Variants in PSENEN observed in about 807,000 individuals in gnomAD.
PSENEN encodes presenilin enhancer, gamma-secretase subunit.
PSENEN carries 4 observed loss-of-function variants against 15.4 expected under a neutral mutation model. That is an observed-to-expected ratio of 0.26 (90% CI 0.13 to 0.59). The LOEUF is 0.59. PSENEN is among the 20% of genes least tolerant of loss of function. The pLI, the probability that PSENEN is intolerant of heterozygous loss-of-function variation, is 0.89. For synonymous variants in PSENEN, 42 were observed against 46.5 expected, an observed-to-expected ratio of 0.90 and a Z score of 0.39; for missense variants, 112 against 120.3, an observed-to-expected ratio of 0.93 and a Z score of 0.32.
intron 1 of PSENEN, 59 bp downstream of exon 1, chr19:35,745,759 A>G (rs1970548445): frequency 1.4e-6 from 1 of 738,438 alleles, no homozygotes; most frequent in African/African-American, 1.7e-5. Context: ...TAATCCAGCC[A>G]GCTTACTAGT....
At position 35,747,084 on chromosome 19, in the gene PSENEN, C is replaced by A; in HGVS notation, c.*237C>A. ...AAAAACATCTGTTGAGAGCTTTGTA[C>A]GAGGCTTAGTATTTAGACATGATGT... On this transcript the variant is annotated 3_prime_UTR_variant, in exon 4 of 4. Transcript: ENST00000587708. 1 of 476,004 alleles carries A rather than the reference C, an allele frequency of 2.1e-6. No individual in the cohort carries two copies. The highest frequency in any genetic ancestry group is 3.2e-5 in the South Asian group (1 of 31,408). The allele number at this position is 476,004 out of a possible 1,614,324, so 29.5% of individuals were successfully genotyped here.
Position 35,746,098 on chromosome 19 carries a change from C to G in PSENEN, c.61+107C>G. On this transcript the variant is annotated intron_variant, in intron 2 of 3. Coordinates refer to ENST00000587708, the MANE Select transcript of PSENEN (RefSeq NM_172341.4). ...TTCTTAAGTCTAAGAGATGAAGGAC[C>G]TGCGAACGCCGACTCCTGGATTTGA... 3 of 1,150,562 alleles carry G rather than the reference C, an allele frequency of 2.6e-6. No individual in the cohort carries two copies. The South Asian group carries it at 3.8e-5, about 15-fold the overall frequency. The allele number at this position is 1,150,562 out of a possible 1,614,324, so 71.3% of individuals were successfully genotyped here. A position where few individuals can be genotyped will look rare whatever the true frequency, so the allele number is the denominator to read the frequency against.
chr19:35,746,862 A>T lies in PSENEN; in HGVS notation c.*15A>T. On this transcript the variant is annotated 3_prime_UTR_variant, in exon 4 of 4. Transcript: ENST00000587708. ...GCACCCCCTGACAACTTCTGCACAT[A>T]CTGGGGCCCTGCTTATTCTCCCAGG... 2 of 1,613,156 alleles carry T rather than the reference A, an allele frequency of 1.2e-6. No homozygotes were observed. The highest frequency in any genetic ancestry group is 1.7e-6 in the Non-Finnish European group (2 of 1,179,672).
chr19:35,746,910 G>A lies in PSENEN; in HGVS notation c.*63G>A, dbSNP rs1970594984. The A allele has an allele frequency of 1.3e-6, 2 of 1,528,132 alleles. No homozygotes were observed. The highest frequency in any genetic ancestry group is 2.3e-5 in the Admixed American group (1 of 43,320). The allele number at this position is 1,528,132 out of a possible 1,614,324, so 94.7% of individuals were successfully genotyped here. ...AGGACAGGCTCCTTAAAGCAGAGGA[G>A]CCTGTCCTGGGAGCCCCTTCTCAAA... On this transcript the variant is annotated 3_prime_UTR_variant, in exon 4 of 4. Transcript: ENST00000587708.
In PSENEN at chr19:35,746,829, AC is replaced by A; in HGVS notation, c.292del (p.Leu98TrpfsTer47). On this transcript the variant is annotated frameshift_variant, in exon 4 of 4. Coordinates refer to ENST00000587708, the MANE Select transcript of PSENEN (RefSeq NM_172341.4). LOFTEE classifies it high-confidence loss of function. ...ALGDYLSFTI[P>X]LGTP The stretch of plus-strand genomic sequence containing the variant: ...TTGGGGACTACCTCTCCTTCACCAT[AC>A]CCCTGGGCACCCCCTGACAACTTCT... The A allele has an allele frequency of 6.2e-7, 1 of 1,613,034 alleles. No individual in the cohort carries two copies. The highest frequency in any genetic ancestry group is 8.5e-7 in the Non-Finnish European group (1 of 1,179,690).
At chr19:35,746,675 G>T in intron 3 of PSENEN, 33 bp from the exon 4 acceptor site, 6 of 1,614,130 alleles carry the variant, frequency 3.7e-6, no homozygotes, top group Non-Finnish European at 5.1e-6. Flanking sequence ...GCAGCCGGAG[G>T]CCAACCCTTC....
At position 35,746,678 on chromosome 19, in the gene PSENEN, A is replaced by G. The variant is rs1599733374; in HGVS notation, c.167-30A>G. 3 of 1,614,110 alleles carry G rather than the reference A, an allele frequency of 1.9e-6. No homozygotes were observed. The East Asian group carries it at 6.7e-5, about 36-fold the overall frequency. ...GAAGTCTGGAGAGCAGCCGGAGGCC[A>G]ACCCTTCCAGCTTCTGTTTCCCATG... On this transcript the variant is annotated intron_variant, in intron 3 of 3. Coordinates refer to ENST00000587708, the MANE Select transcript of PSENEN (RefSeq NM_172341.4).
rs199827075 is a variant in PSENEN at position 35,746,385 on chromosome 19, T to A, written c.62-34T>A. 3.9e-6 allele frequency: 6 copies of A among 1,527,594 alleles called. No homozygotes were observed. The Middle Eastern group carries it at 6.8e-4, about 173-fold the overall frequency. The allele number at this position is 1,527,594 out of a possible 1,614,324, so 94.6% of individuals were successfully genotyped here. On this transcript the variant is annotated intron_variant, in intron 2 of 3. Transcript: ENST00000587708. The stretch of plus-strand genomic sequence containing the variant: ...AGATCTTCATTGCCTTATGAGGTTT[T>A]GGGGTTTGTTTGTTTGTTTTTCTTT...
intron 2 of PSENEN, 50 bp downstream of exon 2, chr19:35,746,041 G>A (rs1279051698): frequency 4.4e-6 from 7 of 1,586,524 alleles, no homozygotes; most frequent in Non-Finnish European, 6.1e-6. Flanking sequence ...CTGGACTAGA[G>A]CACCCGAGGG....
At position 35,745,841 on chromosome 19, in the gene PSENEN, G is replaced by T; in HGVS notation, c.-90G>T. The T allele has an allele frequency of 1.6e-6, 2 of 1,279,678 alleles. No homozygotes were observed. Among genetic ancestry groups the T allele is most frequent in the Non-Finnish European group, 2.3e-6 (2 of 876,378 alleles). 79.3% of individuals were successfully genotyped at this position (1,279,678 alleles called of 1,614,324 possible). A position where few individuals can be genotyped will look rare whatever the true frequency, so the allele number is the denominator to read the frequency against. On this transcript the variant is annotated 5_prime_UTR_variant, in exon 2 of 4. Transcript: ENST00000587708. Reference sequence around the variant, plus strand: ...CTCTGATTTGTTCTAATAGGGGCGTGGTTGTTCGTGATCCTTGCATCTGTT... The same window carrying T: ...CTCTGATTTGTTCTAATAGGGGCGTTGTTGTTCGTGATCCTTGCATCTGTT...
In PSENEN at chr19:35,747,018, G is replaced by A; in HGVS notation, c.*171G>A. ...CCTAACTTTCGATACTGACTTCCTG[G>A]GATCTTTTAGAGGTTGAGGCATAAA... On this transcript the variant is annotated 3_prime_UTR_variant, in exon 4 of 4. Transcript: ENST00000587708. The A allele has an allele frequency of 1.6e-6, 1 of 617,116 alleles. No homozygotes were observed. Among genetic ancestry groups the A allele is most frequent in the Non-Finnish European group, 2.7e-6 (1 of 365,474 alleles). 38.2% of individuals were successfully genotyped at this position (617,116 alleles called of 1,614,324 possible).
rs771521061 is a variant in PSENEN at position 35,746,864 on chromosome 19, TG to T, written c.*21del. The T allele has an allele frequency of 3.1e-6, 5 of 1,613,052 alleles. No individual in the cohort carries two copies. The East Asian group carries it at 1.1e-4, about 36-fold the overall frequency. On this transcript the variant is annotated 3_prime_UTR_variant, in exon 4 of 4. Transcript: ENST00000587708. ...ACCCCCTGACAACTTCTGCACATACTGGGGCCCTGCTTATTCTCCCAGGACA... is the reference window on the plus strand; with the variant it reads ...ACCCCCTGACAACTTCTGCACATACTGGGCCCTGCTTATTCTCCCAGGACA...
Position 35,746,409 on chromosome 19 carries a change from T to C in PSENEN, c.62-10T>C. On this transcript the variant is annotated splice_polypyrimidine_tract_variant and intron_variant, in intron 2 of 3. Coordinates refer to ENST00000587708, the MANE Select transcript of PSENEN (RefSeq NM_172341.4). ...TTGGGGTTTGTTTGTTTGTTTTTCT[T>C]TCTCCCTAGGGGGGTTTGCTTTCCT... 1.2e-6 allele frequency: 2 copies of C among 1,606,332 alleles called. No individual in the cohort carries two copies. The highest frequency in any genetic ancestry group is 8.5e-7 in the Non-Finnish European group (1 of 1,173,992).
chr19:35,746,662 A>G (rs1568400041), intron 3 of PSENEN, 46 bp from the exon 4 acceptor site: 2 of 1,614,070 alleles, frequency 1.2e-6, no homozygotes, highest in Non-Finnish European at 1.7e-6. Flanking sequence ...GGAAGTCTGG[A>G]GAGCAGCCGG....
chr19:35,746,722 G>A lies in PSENEN; in HGVS notation c.181G>A (p.Ala61Thr). ...TCCCATGACAGATGTCTGGCGCTCA[G>A]CTGTGGGCTTCCTCTTCTGGGTGAT... The part of the protein sequence containing the change: ...SQIKGYVWRS[A>T]VGFLFWVIVL... The change falls in exon 4 of 4, where the codon GCT becomes ACT. Residue 61 changes from alanine (A) to threonine (T), a missense_variant. Transcript: ENST00000587708. 6.2e-7 allele frequency: 1 copy of A among 1,614,178 alleles called. No individual in the cohort carries two copies. Among genetic ancestry groups the A allele is most frequent in the Middle Eastern group, 1.6e-4 (1 of 6,062 alleles).
At chr19:35,746,302 C>A in intron 2 of PSENEN, 117 bp from the exon 3 acceptor site, 1 of 905,718 alleles carries the variant, frequency 1.1e-6, no homozygotes, top group Non-Finnish European at 1.8e-6. Context: ...CAGAAATCTC[C>A]ATTTGAACTT....
Position 35,747,045 on chromosome 19 carries a change from G to T in PSENEN, c.*198G>T, listed in dbSNP as rs964795708. The T allele has an allele frequency of 3.6e-6, 2 of 552,666 alleles. No homozygotes were observed. Among genetic ancestry groups the T allele is most frequent in the Non-Finnish European group, 6.3e-6 (2 of 318,382 alleles). 34.2% of individuals were successfully genotyped at this position (552,666 alleles called of 1,614,324 possible). A position where few individuals can be genotyped will look rare whatever the true frequency, so the allele number is the denominator to read the frequency against. On this transcript the variant is annotated 3_prime_UTR_variant, in exon 4 of 4. Coordinates refer to ENST00000587708, the MANE Select transcript of PSENEN (RefSeq NM_172341.4). ...ATCTTTTAGAGGTTGAGGCATAAAT[G>T]ATTATTAATATTTAAAAACATCTGT...
At chr19:35,745,752 T>C in intron 1 of PSENEN, 52 bp downstream of exon 1, 1 of 717,700 alleles carries the variant, frequency 1.4e-6, no homozygotes, top group Non-Finnish European at 2.5e-6. Context: ...AGCTCTTTAA[T>C]CCAGCCAGCT....
intron 2 of PSENEN, 77 bp from the exon 3 acceptor site, chr19:35,746,342 C>A (rs1447043906): frequency 1.6e-6 from 2 of 1,235,646 alleles, no homozygotes; most frequent in African/African-American, 1.5e-5. Context: ...CCAAATAGAT[C>A]TCGGTGGGAG....
Sources: allele counts gnomAD v4.1 joint callset, GRCh38; gene constraint gnomAD v4.1.1; transcripts MANE v1.5; gene names NCBI Gene and HGNC (gene_info 2026-07-23, HGNC 2026-07-21).